Variants in ICA1L observed in about 807,000 individuals in gnomAD.
ICA1L encodes the protein islet cell autoantigen 1 like.
ICA1L carries 50 observed loss-of-function variants against 61.3 expected under a neutral mutation model. That is an observed-to-expected ratio of 0.82 (90% CI 0.65 to 1.03). The LOEUF is 1.03. ICA1L is among the 50% of genes least tolerant of loss of function. The pLI is 0.00. For missense variants in ICA1L, 508 were observed against 556.7 expected (o/e 0.91, Z 0.88); for synonymous variants, 161 against 191.3 (o/e 0.84, Z 1.31).
At chr2:202,817,942 A>T (rs1399350925) in intron 5 of ICA1L, among the ~76,000 whole-genome samples, 1 of 152,254 alleles carries the variant, frequency 6.6e-6, no homozygotes, top group Non-Finnish European at 1.5e-5. Context: ...AATCATGCAG[A>T]TATTTATAAA....
At chr2:202,844,598 GAAGA>G (rs1694418264) in intron 1 of ICA1L, 1 of 152,026 alleles carries the variant, frequency 6.6e-6, no homozygotes, top group South Asian at 2.1e-4. Context: ...CTGTATGAGA[GAAGA>G]AAGAAGGAAT....
intron 1 of ICA1L, 125 bp downstream of exon 1, chr2:202,871,492 CGT>C (rs1266059709): frequency 5.3e-5 from 8 of 151,264 alleles, no homozygotes; most frequent in Admixed American, 2.0e-4. Context: ...CGCGCGCGCG[CGT>C]GTGGCCGGAG....
At chr2:202,857,793 C>T (rs1694806850) in intron 1 of ICA1L, among the ~76,000 whole-genome samples, 1 of 151,944 alleles carries the variant, frequency 6.6e-6, no homozygotes, top group Non-Finnish European at 1.5e-5. Context: ...AAAACAACCC[C>T]ATCAAAAAGT....
In ICA1L at chr2:202,773,866, C is replaced by T. The variant is rs536839489; in HGVS notation, c.*5667G>A. On this transcript the variant is annotated 3_prime_UTR_variant, in exon 13 of 13. Transcript: ENST00000358299. ...TGTGGGAAGTTTTCTTCTACAGAGG[C>T]TGAGTGGAACAGTCCTGCTAAATAA... 3 of 1,314,444 alleles carry T rather than the reference C, an allele frequency of 2.3e-6. No individual in the cohort carries two copies. Among genetic ancestry groups the T allele is most frequent in the South Asian group, 2.4e-5 (2 of 84,458 alleles). 81.4% of individuals were successfully genotyped at this position (1,314,444 alleles called of 1,614,324 possible).
rs747284473 is a variant in ICA1L at position 202,814,690 on chromosome 2, A to T, written c.866+12T>A. The T allele has an allele frequency of 3.8e-6, 6 of 1,585,288 alleles. No homozygotes were observed. Among genetic ancestry groups the T allele is most frequent in the Admixed American group, 1.7e-5 (1 of 59,868 alleles). On this transcript the variant is annotated intron_variant, in intron 8 of 12. Coordinates refer to ENST00000358299, the MANE Select transcript of ICA1L (RefSeq NM_001288622.3). ...TTCTATAACATGACACAGATGACTT[A>T]TGCCTGCTTACTTATTGAGCTGTTC...
intron 1 of ICA1L, among the ~76,000 whole-genome samples, chr2:202,857,932 G>T (rs540773652): frequency 6.6e-6 from 1 of 152,074 alleles, no homozygotes; most frequent in Non-Finnish European, 1.5e-5. Flanking sequence ...ACCATCTCAC[G>T]CCAGTTAGAA....
Position 202,833,149 on chromosome 2 carries a change from A to G in ICA1L, c.-7-4133T>C, listed in dbSNP as rs549347929. On this transcript the variant is annotated intron_variant, in intron 1 of 12. Transcript: ENST00000358299. ...CAGAGAAAAATGGCATATTACACAC[A>G]AGGTAACAAAAATACAAACAGGTCA... Among the ~76,000 whole-genome samples the G allele has an allele frequency of 5.9e-5, 9 of 152,310 alleles. No homozygotes were observed. In the South Asian group the frequency reaches 1.9e-3, roughly 32 times the overall value.
chr2:202,803,723 T>TCA (rs1693152863), intron 9 of ICA1L, among the ~76,000 whole-genome samples: 1 of 152,072 alleles, frequency 6.6e-6, no homozygotes, highest in Non-Finnish European at 1.5e-5. Context: ...AGACGGGGTT[T>TCA]CACCATGTTG....
At position 202,849,286 on chromosome 2, in the gene ICA1L, G is replaced by A. The variant is rs369642412; in HGVS notation, c.-7-20270C>T. Among the ~76,000 whole-genome samples the A allele has an allele frequency of 9.2e-5, 14 of 152,226 alleles. No individual in the cohort carries two copies. Among genetic ancestry groups the A allele is most frequent in the African/African-American group, 3.4e-4 (14 of 41,536 alleles). On this transcript the variant is annotated intron_variant, in intron 1 of 12. Coordinates refer to ENST00000358299, the MANE Select transcript of ICA1L (RefSeq NM_001288622.3). The surrounding 1 kb of genome is among the most constrained non-coding windows in gnomAD (Gnocchi z 4.5). ...CCTGGAACCCCAGCGAGACAAAACCGTTCACTCCCCTGGAAAGGGGGCTGA... is the reference window on the plus strand; with the variant it reads ...CCTGGAACCCCAGCGAGACAAAACCATTCACTCCCCTGGAAAGGGGGCTGA...
chr2:202,782,911 A>G (rs1245351494), intron 12 of ICA1L, among the ~76,000 whole-genome samples: 2 of 152,188 alleles, frequency 1.3e-5, no homozygotes, highest in Non-Finnish European at 2.9e-5. Flanking sequence ...TTTTAAAAAG[A>G]AAAGTATAAC....
chr2:202,825,649 T>C (rs1300934509), intron 3 of ICA1L, 46 bp downstream of exon 3: 8 of 1,379,452 alleles, frequency 5.8e-6, no homozygotes, highest in African/African-American at 1.5e-5. Context: ...AATGCTAATA[T>C]TTATTTTAAA....
At position 202,775,151 on chromosome 2, in the gene ICA1L, T is replaced by G. The variant is rs1692183246; in HGVS notation, c.*4382A>C. The G allele has an allele frequency of 6.6e-6, 1 of 152,260 alleles. No homozygotes were observed. Among genetic ancestry groups the G allele is most frequent in the Admixed American group, 6.5e-5 (1 of 15,286 alleles). The allele number at this position is 152,260 out of a possible 1,614,324, so 9.4% of individuals were successfully genotyped here. On this transcript the variant is annotated 3_prime_UTR_variant, in exon 13 of 13. Transcript: ENST00000358299. Reference sequence around the variant, plus strand: ...GTTTTCTTTGCCATGTTTAAGCACTTTACTGTTGCATGAAATGCATTACTT... The same window carrying G: ...GTTTTCTTTGCCATGTTTAAGCACTGTACTGTTGCATGAAATGCATTACTT...
At chr2:202,785,232 A>G (rs1395850623) in intron 12 of ICA1L, among the ~76,000 whole-genome samples, 1 of 151,790 alleles carries the variant, frequency 6.6e-6, no homozygotes, top group African/African-American at 2.4e-5. Flanking sequence ...AAAAAAAAAA[A>G]AAAAAGAAAA....
chr2:202,809,523 C>T (rs1693316127), intron 9 of ICA1L, among the ~76,000 whole-genome samples: 1 of 151,988 alleles, frequency 6.6e-6, no homozygotes, highest in Admixed American at 6.6e-5. Flanking sequence ...TAGTGCATGC[C>T]TGTAATTCCA....
intron 3 of ICA1L, 60 bp from the exon 4 acceptor site, chr2:202,821,541 A>G: frequency 7.7e-7 from 1 of 1,292,148 alleles, no homozygotes; most frequent in Non-Finnish European, 1.1e-6. Flanking sequence ...TAAAACATAC[A>G]CACAACTAAA....
rs1574313253 is a variant in ICA1L at position 202,774,208 on chromosome 2, C to T, written c.*5325G>A. On this transcript the variant is annotated 3_prime_UTR_variant, in exon 13 of 13. Transcript: ENST00000358299. ...GGCACACCAGGAACTCCAGCAGCGC[C>T]GGATCGAAGGCGCGGGGCGGCTCCT... 9 of 1,550,876 alleles carry T rather than the reference C, an allele frequency of 5.8e-6. No homozygotes were observed. The highest frequency in any genetic ancestry group is 4.9e-5 in the East Asian group (2 of 40,920).
chr2:202,860,154 C>A (rs1028277072), intron 1 of ICA1L: 1 of 151,726 alleles, frequency 6.6e-6, no homozygotes, highest in Admixed American at 6.6e-5. Flanking sequence ...TACCTGTAGT[C>A]CTAGCTACTC....
chr2:202,790,789 G>C (rs1208323940), intron 10 of ICA1L, among the ~76,000 whole-genome samples: 1 of 152,158 alleles, frequency 6.6e-6, no homozygotes, highest in Non-Finnish European at 1.5e-5. Context: ...GGCAAGCCAA[G>C]AAGACCTAAG....
At chr2:202,834,227 CA>C (rs1330777097) in intron 1 of ICA1L, among the ~76,000 whole-genome samples, 2 of 151,944 alleles carry the variant, frequency 1.3e-5, no homozygotes, top group Admixed American at 1.3e-4. Flanking sequence ...AAAATTACAC[CA>C]GATAATTTGG....
Sources: allele counts gnomAD v4.1 joint callset (sites outside exome capture counted in the v4.1 genomes callset), GRCh38; gene constraint gnomAD v4.1.1; non-coding constraint Gnocchi (gnomAD v3.1); transcripts MANE v1.5; gene names NCBI Gene and HGNC (gene_info 2026-07-23, HGNC 2026-07-21).